FRMPD4: variants seen among roughly 807,000 people sequenced by gnomAD.
FRMPD4 encodes the protein FERM and PDZ domain containing 4.
In FRMPD4, 22 loss-of-function variants were observed where a neutral mutation model predicts 94.1. That is an observed-to-expected ratio of 0.23 (90% CI 0.17 to 0.33). The LOEUF is 0.33. Ranked by LOEUF, FRMPD4 falls within the 10% of genes least tolerant of loss-of-function variation. The pLI is 1.00. For synonymous variants in FRMPD4, 631 were observed against 548.6 expected (o/e 1.15, Z -2.10); for missense variants, 1,111 against 1,339.9 (o/e 0.83, Z 2.67).
chrX:11,871,361 T>C (rs1407104358), intron 2 of FRMPD4, among the ~76,000 whole-genome samples: 1 of 112,197 alleles, frequency 8.9e-6, no homozygotes, highest in Non-Finnish European at 1.9e-5. Flanking sequence ...ACAAGTTCTA[T>C]TGTGATTCGT....
At chrX:12,412,757 T>C (rs2056750442) in intron 1 of FRMPD4, among the ~76,000 whole-genome samples, 1 of 111,941 alleles carries the variant, frequency 8.9e-6, no homozygotes, top group Non-Finnish European at 1.9e-5. Context: ...CTTCATCTCA[T>C]AGGCACATAG....
At chrX:12,361,529 A>C (rs1415447064) in intron 1 of FRMPD4, among the ~76,000 whole-genome samples, 10 of 112,152 alleles carry the variant, frequency 8.9e-5, no homozygotes, top group Non-Finnish European at 3.8e-5. Flanking sequence ...TCCATTCCCT[A>C]AGATTTGATT....
chrX:12,257,318 C>G (rs1374446494), intron 1 of FRMPD4, among the ~76,000 whole-genome samples: 1 of 110,308 alleles, frequency 9.1e-6, no homozygotes, highest in East Asian at 2.8e-4. Context: ...TTTTTTTTCC[C>G]TTTTCTACCA....
intron 1 of FRMPD4, among the ~76,000 whole-genome samples, chrX:12,230,699 CA>C (rs1439167711): frequency 9.4e-6 from 1 of 106,296 alleles, no homozygotes; most frequent in African/African-American, 3.4e-5. Flanking sequence ...GGACATAAAC[CA>C]AAGAGTTTTT....
At chrX:12,039,643 A>G (rs1334101335) in intron 3 of FRMPD4, among the ~76,000 whole-genome samples, 1 of 110,919 alleles carries the variant, frequency 9.0e-6, no homozygotes, top group Non-Finnish European at 1.9e-5. Flanking sequence ...AATATGATCT[A>G]TTCTGAGGAA....
intron 2 of FRMPD4, among the ~76,000 whole-genome samples, chrX:11,876,091 G>A (rs1251406510): frequency 1.8e-5 from 2 of 108,330 alleles, no homozygotes; most frequent in Non-Finnish European, 3.8e-5. Context: ...AGCCAGGATG[G>A]TCTCGTTCGC....
At chrX:11,951,168 G>A (rs2054221364) in intron 3 of FRMPD4, among the ~76,000 whole-genome samples, 1 of 110,920 alleles carries the variant, frequency 9.0e-6, no homozygotes, top group Admixed American at 9.6e-5. Flanking sequence ...TTCAGCCATG[G>A]TGGAAAACAG....
chrX:12,040,899 C>T (rs988276644), intron 3 of FRMPD4, among the ~76,000 whole-genome samples: 1 of 110,684 alleles, frequency 9.0e-6, no homozygotes, highest in Non-Finnish European at 1.9e-5. Flanking sequence ...TGCTCCTTTA[C>T]TGCTTTCTTT....
At chrX:12,109,605 A>T (rs1185094717) in intron 3 of FRMPD4, among the ~76,000 whole-genome samples, 1 of 111,937 alleles carries the variant, frequency 8.9e-6, no homozygotes, top group South Asian at 3.7e-4. Flanking sequence ...GAGACACAAA[A>T]ATCCCTTCAA....
intron 1 of FRMPD4, among the ~76,000 whole-genome samples, chrX:12,237,109 A>G (rs2057078858): frequency 8.9e-6 from 1 of 112,452 alleles, no homozygotes; most frequent in Non-Finnish European, 1.9e-5. Flanking sequence ...TCTAACATTA[A>G]TATATATTAG....
intron 1 of FRMPD4, among the ~76,000 whole-genome samples, chrX:12,482,968 A>T (rs1250458639): frequency 1.8e-5 from 2 of 112,056 alleles, no homozygotes; most frequent in Non-Finnish European, 3.8e-5. Flanking sequence ...AACCAGAATA[A>T]TAAGTTGTTA....
At chrX:12,155,761 A>T (rs1292100543) in intron 1 of FRMPD4, among the ~76,000 whole-genome samples, 1 of 110,741 alleles carries the variant, frequency 9.0e-6, no homozygotes, top group Non-Finnish European at 1.9e-5. Flanking sequence ...TCCTAAACCT[A>T]CCCAGTGAGA....
intron 3 of FRMPD4, among the ~76,000 whole-genome samples, chrX:11,992,739 A>G (rs773196610): frequency 9.0e-6 from 1 of 111,422 alleles, no homozygotes; most frequent in Non-Finnish European, 1.9e-5. Context: ...CTGGAGTTCT[A>G]TTTATCACCT....
chrX:12,196,649 T>C (rs2056571073), intron 1 of FRMPD4, among the ~76,000 whole-genome samples: 1 of 108,079 alleles, frequency 9.3e-6, no homozygotes, highest in African/African-American at 3.3e-5. Flanking sequence ...ATAAAAAATA[T>C]ATTTATAATC....
At chrX:12,307,083 G>T (rs1208135999) in intron 1 of FRMPD4, among the ~76,000 whole-genome samples, 1 of 112,414 alleles carries the variant, frequency 8.9e-6, no homozygotes, top group Non-Finnish European at 1.9e-5. Flanking sequence ...ACAGGGATGG[G>T]TGATAAAGGC....
At chrX:12,001,381 T>G (rs2054523656) in intron 3 of FRMPD4, among the ~76,000 whole-genome samples, 1 of 112,400 alleles carries the variant, frequency 8.9e-6, no homozygotes, top group South Asian at 3.7e-4. Flanking sequence ...ATGATTTACT[T>G]GACAATCACT....
At chrX:12,414,428 A>G (rs2056773069) in intron 1 of FRMPD4, among the ~76,000 whole-genome samples, 1 of 112,781 alleles carries the variant, frequency 8.9e-6, no homozygotes, top group Admixed American at 9.4e-5. Flanking sequence ...TCTTAGCCTC[A>G]GTTAATTTAT....
chrX:12,170,992 T>C (rs1398654127), intron 1 of FRMPD4, among the ~76,000 whole-genome samples: 2 of 113,556 alleles, frequency 1.8e-5, no homozygotes, highest in Non-Finnish European at 3.7e-5. Flanking sequence ...GCACTGCGCT[T>C]AAGAGAAGTT....
intron 2 of FRMPD4, among the ~76,000 whole-genome samples, chrX:12,526,723 G>A (rs1403091314): frequency 8.9e-6 from 1 of 112,367 alleles, no homozygotes; most frequent in Non-Finnish European, 1.9e-5. Flanking sequence ...GTGTTTTCAA[G>A]ACAGATAGCT....
Sources: gnomAD v4.1 joint callset for allele counts (sites outside exome capture counted in the v4.1 genomes callset) on GRCh38, gnomAD v4.1.1 for gene constraint, MANE v1.5 for transcripts, NCBI Gene and HGNC (gene_info 2026-07-23, HGNC 2026-07-21) for gene names.